RHPN1: variants seen among roughly 807,000 people sequenced by gnomAD.
The protein encoded by RHPN1 is rhophilin-1.
A neutral mutation model predicts 74.7 loss-of-function variants in RHPN1; 77 were observed. The observed-to-expected ratio is 1.03, with a 90% CI of 0.86 to 1.25. The LOEUF (loss-of-function observed/expected upper bound fraction) is 1.25, where lower values mean the gene tolerates loss of function less well. Ranked by LOEUF, RHPN1 falls within the 50% of genes most tolerant of loss-of-function variation. The pLI is 0.00. For missense variants in RHPN1, 987 were observed against 932.2 expected (o/e 1.06, Z -0.77); for synonymous variants, 444 against 414.5 (o/e 1.07, Z -0.87).
At chr8:143,375,716 G>A in intron 2 of RHPN1, 48 bp downstream of exon 2, 1 of 1,425,144 alleles carries the variant, frequency 7.0e-7, no homozygotes, top group Non-Finnish European at 9.7e-7. Flanking sequence ...CCACCTGGGT[G>A]AGGGGGGCAG....
chr8:143,376,206 C>T (rs1435825970), intron 2 of RHPN1, among the ~76,000 whole-genome samples: 1 of 152,230 alleles, frequency 6.6e-6, no homozygotes. Flanking sequence ...ACCCACCATC[C>T]AAGGAGTGAT....
chr8:143,372,013 G>A (rs1032619984), intron 1 of RHPN1, among the ~76,000 whole-genome samples: 1 of 152,228 alleles, frequency 6.6e-6, no homozygotes, highest in Admixed American at 6.5e-5. Flanking sequence ...AAGTCACTTG[G>A]CCTGCAGGGA....
At chr8:143,368,849 G>C (rs984394801), upstream of RHPN1, 1 of 477,858 alleles carries the variant, frequency 2.1e-6, no homozygotes, top group Non-Finnish European at 3.3e-6. Flanking sequence ...CCCCACTCAG[G>C]AGGGACAGTC....
upstream of RHPN1, chr8:143,366,888 C>A (rs62524010): frequency 6.6e-6 from 1 of 152,266 alleles, no homozygotes; most frequent in Non-Finnish European, 1.5e-5. Context: ...GGGTTTGGGT[C>A]TCTGCTGTAC....
intron 3 of RHPN1, 31 bp downstream of exon 3, chr8:143,376,684 T>C: frequency 3.2e-6 from 5 of 1,546,110 alleles, no homozygotes; most frequent in Non-Finnish European, 4.4e-6. Context: ...AGCACGTGCG[T>C]GTATGTGTGT....
Position 143,380,065 on chromosome 8 carries a change from C to A in RHPN1, c.1106C>A (p.Ala369Glu). 1 of 1,545,238 alleles carries A rather than the reference C, an allele frequency of 6.5e-7. No individual in the cohort carries two copies. Among genetic ancestry groups the A allele is most frequent in the South Asian group, 1.2e-5 (1 of 83,364 alleles). Residue 369 changes from alanine (A) to glutamate (E), a missense_variant, in exon 10 of 15, where the codon GCG becomes GAG. Physicochemically the swap from Ala to Glu is moderately radical, Grantham distance 107. Coordinates refer to ENST00000289013, the MANE Select transcript of RHPN1 (RefSeq NM_052924.3). ...VAMALCDGSP[A>E]TEGELPTHEQ... Reference sequence around the variant, plus strand: ...TCACAGCCTCTCTGTCCCCCAGCAGCGACCGAGGGAGAGCTCCCCACGCAC... The same window carrying A: ...TCACAGCCTCTCTGTCCCCCAGCAGAGACCGAGGGAGAGCTCCCCACGCAC...
Position 143,377,454 on chromosome 8 carries a change from A to C in RHPN1, c.380A>C (p.Lys127Thr). The C allele has an allele frequency of 6.2e-7, 1 of 1,611,592 alleles. No individual in the cohort carries two copies. Residue 127 changes from lysine (K) to threonine (T), a missense_variant and splice_region_variant, in exon 4 of 15, where the codon AAG becomes ACG. Coordinates refer to ENST00000289013, the MANE Select transcript of RHPN1 (RefSeq NM_052924.3). The stretch of plus-strand genomic sequence containing the variant: ...GAGCTGGACTGGTCTACACCGCTGA[A>C]GGTAGGTACTGGCCTCCAAGCTCTG... Reference protein sequence around the residue: ...TKELDWSTPLKELISVHFGED... With the variant: ...TKELDWSTPLTELISVHFGED...
chr8:143,376,365 C>G (rs896522944), intron 2 of RHPN1, among the ~76,000 whole-genome samples, 160 bp from the exon 3 acceptor site: 1 of 152,240 alleles, frequency 6.6e-6, no homozygotes, highest in African/African-American at 2.4e-5. Flanking sequence ...GATCCCACTG[C>G]TGCCCCTGCC....
At chr8:143,369,148 A>G in intron 1 of RHPN1, 101 bp downstream of exon 1, 2 of 886,566 alleles carry the variant, frequency 2.3e-6, no homozygotes, top group East Asian at 3.3e-5. Flanking sequence ...CCTACGTCTC[A>G]TTCGGCCCGG....
At chr8:143,375,722 G>T (rs1466308199) in intron 2 of RHPN1, 54 bp downstream of exon 2, 4 of 1,380,372 alleles carry the variant, frequency 2.9e-6, no homozygotes, top group African/African-American at 1.5e-5. Context: ...GGGTGAGGGG[G>T]GCAGGACAGC....
Position 143,382,007 on chromosome 8 carries a change from G to T in RHPN1, c.1797+39G>T, listed in dbSNP as rs1327320677. 5 of 1,528,594 alleles carry T rather than the reference G, an allele frequency of 3.3e-6. No homozygotes were observed. In the African/African-American group the frequency reaches 6.9e-5, roughly 21 times the overall value. 94.7% of individuals were successfully genotyped at this position (1,528,594 alleles called of 1,614,324 possible). Reference sequence around the variant, plus strand: ...GCCCCAGAGGGGCGGTCCCCAGCTTGCTGTCACCACCCTGGCCCTGGGCCT... The same window carrying T: ...GCCCCAGAGGGGCGGTCCCCAGCTTTCTGTCACCACCCTGGCCCTGGGCCT... On this transcript the variant is annotated intron_variant, in intron 14 of 14. Coordinates refer to ENST00000289013, the MANE Select transcript of RHPN1 (RefSeq NM_052924.3).
At position 143,381,194 on chromosome 8, in the gene RHPN1, C is replaced by T. The variant is rs934761218; in HGVS notation, c.1412-74C>T. 173 of 1,294,128 alleles carry T rather than the reference C, an allele frequency of 1.3e-4. 1 individual carries two copies. In the African/African-American group the frequency reaches 2.2e-3, roughly 17 times the overall value. 80.2% of individuals were successfully genotyped at this position (1,294,128 alleles called of 1,614,324 possible). ...GGGCCTGTGTGCACTCAGGGTCATGCCCTGCGCCCTGGAAAATCCCCGAGG... is the reference window on the plus strand; with the variant it reads ...GGGCCTGTGTGCACTCAGGGTCATGTCCTGCGCCCTGGAAAATCCCCGAGG... On this transcript the variant is annotated intron_variant, in intron 11 of 14. Coordinates refer to ENST00000289013, the MANE Select transcript of RHPN1 (RefSeq NM_052924.3).
chr8:143,382,058 G>A, intron 14 of RHPN1, 90 bp downstream of exon 14: 3 of 1,307,248 alleles, frequency 2.3e-6, no homozygotes, highest in Non-Finnish European at 3.1e-6. Flanking sequence ...GCAACATTGG[G>A]AAGGGGAGGT....
At chr8:143,377,317 C>G in intron 3 of RHPN1, 63 bp from the exon 4 acceptor site, 2 of 1,381,912 alleles carry the variant, frequency 1.4e-6, no homozygotes, top group Non-Finnish European at 2.0e-6. Flanking sequence ...AGGAGTGGAC[C>G]CCGGGCTGCC....
rs1015795484 is a variant in RHPN1 at position 143,381,595 on chromosome 8, C to T, written c.1512C>T (p.Ala504=). 2.5e-6 allele frequency: 4 copies of T among 1,609,958 alleles called. No individual in the cohort carries two copies. Among genetic ancestry groups the T allele is most frequent in the Middle Eastern group, 1.7e-4 (1 of 6,044 alleles). The change falls in exon 13 of 15, where the codon GCC becomes GCT. Residue 504 remains alanine (A), a synonymous_variant. Transcript: ENST00000289013. ...HRLGPLSVFS[A]KNRWRLVGPV... ...AGGGGCCCCTGTCTGTGTTCTCAGC[C>T]AAGAACCGGTGGCGGCTGGTGGGGC...
chr8:143,366,189 A>C (rs1331126432), upstream of RHPN1, among the ~76,000 whole-genome samples: 1 of 152,020 alleles, frequency 6.6e-6, no homozygotes, highest in Non-Finnish European at 1.5e-5. Flanking sequence ...CAGCCCCATC[A>C]GCAATTATCA....
intron 1 of RHPN1, among the ~76,000 whole-genome samples, chr8:143,373,788 A>G (rs1265199826): frequency 6.6e-6 from 1 of 151,966 alleles, no homozygotes; most frequent in Non-Finnish European, 1.5e-5. Flanking sequence ...GGCCACCTCC[A>G]TGTGACTGTG....
In RHPN1 at chr8:143,374,246, C is replaced by T. The variant is rs1206505536; in HGVS notation, c.61-1307C>T. 3.0e-6 allele frequency: 3 copies of T among 985,316 alleles called. No homozygotes were observed. In the African/African-American group the frequency reaches 5.2e-5, roughly 17 times the overall value. 61.0% of individuals were successfully genotyped at this position (985,316 alleles called of 1,614,324 possible). On this transcript the variant is annotated intron_variant, in intron 1 of 14. Coordinates refer to ENST00000289013, the MANE Select transcript of RHPN1 (RefSeq NM_052924.3). Reference sequence around the variant, plus strand: ...GTGTCGGGTCCACAGAGGGGAAGACCCAGTGCGTGTGCACGTTGGCCCCAT... The same window carrying T: ...GTGTCGGGTCCACAGAGGGGAAGACTCAGTGCGTGTGCACGTTGGCCCCAT...
intron 12 of RHPN1, 35 bp from the exon 13 acceptor site, chr8:143,381,536 GC>G: frequency 6.3e-7 from 1 of 1,586,062 alleles, no homozygotes. Context: ...TCAGTGTGTG[GC>G]CCAGCTGGGC....
Sources: allele counts gnomAD v4.1 joint callset (sites outside exome capture counted in the v4.1 genomes callset), GRCh38; gene constraint gnomAD v4.1.1; transcripts MANE v1.5; gene names NCBI Gene and HGNC (gene_info 2026-07-23, HGNC 2026-07-21).